Variants in GRM5 observed in about 807,000 individuals in gnomAD.
GRM5 encodes the protein metabotropic glutamate receptor 5.
GRM5 carries 19 observed loss-of-function variants against 83.1 expected under a neutral mutation model. That is an observed-to-expected ratio of 0.23 (90% CI 0.16 to 0.34). The LOEUF is 0.34. Ranked by LOEUF, GRM5 falls within the 10% of genes least tolerant of loss-of-function variation. GRM5 has a pLI of 1.00. For synonymous variants in GRM5, 675 were observed against 633.6 expected (o/e 1.07, Z -0.98); for missense variants, 1,160 against 1,588.3 (o/e 0.73, Z 4.58).
rs144624748 is a variant in GRM5 at position 88,509,912 on chromosome 11, C to T, written c.2727-408G>A. 8.7e-4 allele frequency among the ~76,000 whole-genome samples: 133 copies of T among 152,190 alleles called. 2 individuals are homozygous for T. In the East Asian group the frequency reaches 0.025, roughly 29 times the overall value. ...AGGGGCTTCCTAGAGTTAGTGGCCT[C>T]TGAAGGAAAACATTACCACTAGGAC... On this transcript the variant is annotated intron_variant, in intron 9 of 9. Transcript: ENST00000305447.
At chr11:88,888,862 T>C (rs1297499565) in intron 2 of GRM5, among the ~76,000 whole-genome samples, 3 of 152,122 alleles carry the variant, frequency 2.0e-5, no homozygotes, top group South Asian at 4.1e-4. Context: ...AAGCCTGCTG[T>C]TCAAGCCAGC....
chr11:88,652,802 C>G (rs1169760997), intron 4 of GRM5, among the ~76,000 whole-genome samples: 1 of 152,044 alleles, frequency 6.6e-6, no homozygotes. Flanking sequence ...TGTGCTTCCA[C>G]TGTGCTAACT....
chr11:89,001,162 A>G (rs1940365168), intron 2 of GRM5, among the ~76,000 whole-genome samples: 1 of 152,042 alleles, frequency 6.6e-6, no homozygotes, highest in Admixed American at 6.6e-5. Context: ...TGGTGGAAAA[A>G]AAAATTGCCA....
intron 8 of GRM5, among the ~76,000 whole-genome samples, chr11:88,556,328 T>C (rs989839674): frequency 6.1e-5 from 9 of 148,232 alleles, no homozygotes; most frequent in Non-Finnish European, 9.0e-5. Flanking sequence ...TCTTTTCTTT[T>C]TTTTTTTTTT....
At chr11:88,935,159 A>G (rs1347741520) in intron 2 of GRM5, among the ~76,000 whole-genome samples, 1 of 151,986 alleles carries the variant, frequency 6.6e-6, no homozygotes, top group Non-Finnish European at 1.5e-5. Flanking sequence ...TTCACTAACA[A>G]CAAAGCTGAG....
intron 3 of GRM5, among the ~76,000 whole-genome samples, chr11:88,687,550 A>ATATATTT (rs1225637191): frequency 1.2e-4 from 1 of 8,156 alleles, no homozygotes; most frequent in East Asian, 9.6e-3. Context: ...ACACACACAC[A>ATATATTT]CACATATATA....
At chr11:88,719,205 C>T (rs373302482) in intron 3 of GRM5, among the ~76,000 whole-genome samples, 1 of 151,976 alleles carries the variant, frequency 6.6e-6, no homozygotes, top group South Asian at 2.1e-4. Flanking sequence ...TTTACTAACC[C>T]TCTACCTCCT....
intron 1 of GRM5, among the ~76,000 whole-genome samples, chr11:89,061,448 G>A (rs184168523): frequency 2.0e-5 from 3 of 152,136 alleles, no homozygotes; most frequent in Non-Finnish European, 4.4e-5. Context: ...AATGGGTTTT[G>A]GAAAGAAATA....
At chr11:89,016,211 A>G (rs991076720) in intron 2 of GRM5, among the ~76,000 whole-genome samples, 1 of 149,508 alleles carries the variant, frequency 6.7e-6, no homozygotes, top group African/African-American at 2.4e-5. Flanking sequence ...TGTATTATAC[A>G]TATATTTATT....
intron 3 of GRM5, among the ~76,000 whole-genome samples, chr11:88,687,464 G>A (rs140383198): frequency 0.012 from 1,600 of 134,010 alleles, 52 homozygotes; most frequent in African/African-American, 0.045. Flanking sequence ...GCAACAGAGC[G>A]AGACTTGGTC....
chr11:88,525,176 CCAG>C, intron 9 of GRM5, 130 bp downstream of exon 9: 1 of 655,900 alleles, frequency 1.5e-6, no homozygotes, highest in Non-Finnish European at 2.8e-6. Context: ...ACATAGAAAA[CCAG>C]TAGTAGCCTG....
At chr11:88,616,338 T>C (rs1049694065) in intron 4 of GRM5, among the ~76,000 whole-genome samples, 5 of 147,482 alleles carry the variant, frequency 3.4e-5, no homozygotes, top group Non-Finnish European at 7.4e-5. Context: ...GGAAGAGAAA[T>C]AGGATATGAG....
intron 5 of GRM5, among the ~76,000 whole-genome samples, chr11:88,599,003 T>C (rs1167950365): frequency 7.9e-5 from 12 of 152,192 alleles, no homozygotes; most frequent in Non-Finnish European, 1.5e-5. Context: ...AAACCAAGCC[T>C]TTAGATTTCA....
chr11:88,877,589 T>C (rs1333822534), intron 2 of GRM5, among the ~76,000 whole-genome samples: 2 of 151,776 alleles, frequency 1.3e-5, no homozygotes. Context: ...AAAGCAGATG[T>C]ATGGATGTAT....
At chr11:89,058,082 C>CA (rs910479841) in intron 1 of GRM5, among the ~76,000 whole-genome samples, 115 of 151,382 alleles carry the variant, frequency 7.6e-4, no homozygotes, top group African/African-American at 2.2e-3. Flanking sequence ...GGTCTCCCCA[C>CA]AAAAAAAAAC....
intron 4 of GRM5, among the ~76,000 whole-genome samples, chr11:88,618,200 C>T (rs1470660933): frequency 6.6e-6 from 1 of 152,068 alleles, no homozygotes; most frequent in Non-Finnish European, 1.5e-5. Context: ...GGTTGTTTGC[C>T]TATACTTAAA....
chr11:88,705,226 C>G (rs1353896585), intron 3 of GRM5, among the ~76,000 whole-genome samples: 1 of 151,980 alleles, frequency 6.6e-6, no homozygotes, highest in African/African-American at 2.4e-5. Context: ...ATTAGAATCA[C>G]CTGACGAGCT....
intron 3 of GRM5, among the ~76,000 whole-genome samples, chr11:88,788,793 T>C (rs1943119779): frequency 6.6e-6 from 1 of 152,160 alleles, no homozygotes; most frequent in African/African-American, 2.4e-5. Flanking sequence ...AAATTGTATA[T>C]GGAAAGCTAT....
intron 3 of GRM5, among the ~76,000 whole-genome samples, chr11:88,751,092 A>AC (rs1325222568): frequency 2.9e-4 from 42 of 142,474 alleles, no homozygotes; most frequent in Non-Finnish European, 5.4e-4. Context: ...AAAAAAAAAA[A>AC]AAACAAAGAA....
Sources: allele counts gnomAD v4.1 joint callset (sites outside exome capture counted in the v4.1 genomes callset), GRCh38; gene constraint gnomAD v4.1.1; transcripts MANE v1.5; gene names NCBI Gene and HGNC (gene_info 2026-07-23, HGNC 2026-07-21).